Variants in EVA1A observed in about 807,000 individuals in gnomAD.
EVA1A encodes protein eva-1 homolog A.
A neutral mutation model predicts 9.8 loss-of-function variants in EVA1A; 7 were observed. That is an observed-to-expected ratio of 0.71 (90% CI 0.41 to 1.34). EVA1A has a LOEUF of 1.34. Among genes scored for constraint, EVA1A ranks in the 40% most tolerant of loss-of-function variants. The pLI, the probability that EVA1A is intolerant of heterozygous loss-of-function variation, is 0.01. For missense variants in EVA1A, 206 were observed against 205.9 expected (o/e 1.00, Z 0.00); for synonymous variants, 90 against 85.6 (o/e 1.05, Z -0.28).
intron 1 of EVA1A, among the ~76,000 whole-genome samples, chr2:75,540,081 C>A (rs1476557722): frequency 6.6e-6 from 1 of 152,222 alleles, no homozygotes; most frequent in East Asian, 1.9e-4. Context: ...GGTGCAGCAA[C>A]CTTCCTCTAG....
chr2:75,518,250 G>A, intron 2 of EVA1A, 42 bp from the exon 3 acceptor site: 1 of 1,496,528 alleles, frequency 6.7e-7, no homozygotes, highest in Non-Finnish European at 8.9e-7. Flanking sequence ...ACATTCTGCT[G>A]TCCTGAGGCC....
At chr2:75,553,512 A>G (rs764557328) in intron 1 of EVA1A, among the ~76,000 whole-genome samples, 1 of 152,212 alleles carries the variant, frequency 6.6e-6, no homozygotes, top group Admixed American at 6.5e-5. Flanking sequence ...CACAAAGAGT[A>G]TCTTGTTCAT....
chr2:75,520,049 A>G (rs192044125), intron 2 of EVA1A, among the ~76,000 whole-genome samples: 110 of 152,276 alleles, frequency 7.2e-4, no homozygotes, highest in African/African-American at 2.6e-3. Context: ...CCACTTTCAC[A>G]ATATCTGACC....
chr2:75,527,090 G>C (rs1250448135), intron 1 of EVA1A, among the ~76,000 whole-genome samples: 1 of 152,144 alleles, frequency 6.6e-6, no homozygotes, highest in Admixed American at 6.5e-5. Flanking sequence ...GACCAGGAAA[G>C]GAGTGTTCTA....
chr2:75,561,395 G>C (rs1204152309), upstream of EVA1A: 1 of 144,146 alleles, frequency 6.9e-6, no homozygotes, highest in African/African-American at 2.6e-5. Context: ...TTTTTTTTCT[G>C]AGTGGGAAGT....
At chr2:75,503,308 C>T (rs1158417530) in intron 3 of EVA1A, among the ~76,000 whole-genome samples, 2 of 152,236 alleles carry the variant, frequency 1.3e-5, no homozygotes, top group Admixed American at 6.5e-5. Context: ...GTGATCCACC[C>T]TGGTCTTGAC....
At position 75,493,006 on chromosome 2, in the gene EVA1A, T is replaced by C. The variant is rs1674083111; in HGVS notation, c.*230A>G. 1 of 583,696 alleles carries C rather than the reference T, an allele frequency of 1.7e-6. No homozygotes were observed. The highest frequency in any genetic ancestry group is 1.9e-5 in the African/African-American group (1 of 53,532). 36.2% of individuals were successfully genotyped at this position (583,696 alleles called of 1,614,324 possible). A position where few individuals can be genotyped will look rare whatever the true frequency, so the allele number is the denominator to read the frequency against. On this transcript the variant is annotated 3_prime_UTR_variant, in exon 4 of 4. Coordinates refer to ENST00000393913, the MANE Select transcript of EVA1A (RefSeq NM_001135032.2). ...CATCCACAGTGTTGGAGAGGATTTTTCAGCACCATTCCGAGACCTGGAAAG... is the reference window on the plus strand; with the variant it reads ...CATCCACAGTGTTGGAGAGGATTTTCCAGCACCATTCCGAGACCTGGAAAG...
chr2:75,529,234 C>T (rs1675560818), intron 1 of EVA1A, among the ~76,000 whole-genome samples: 1 of 152,104 alleles, frequency 6.6e-6, no homozygotes, highest in African/African-American at 2.4e-5. Flanking sequence ...CACTGGAGAT[C>T]CCAAATTTAT....
intron 1 of EVA1A, chr2:75,524,184 T>C (rs1489243155): frequency 2.6e-5 from 4 of 152,212 alleles, no homozygotes; most frequent in Non-Finnish European, 4.4e-5. Context: ...CTTTATAAAT[T>C]ACCCAGTCAC....
At chr2:75,565,939 T>C (rs1339680297), upstream of EVA1A, among the ~76,000 whole-genome samples, 3 of 152,208 alleles carry the variant, frequency 2.0e-5, no homozygotes, top group African/African-American at 7.2e-5. Flanking sequence ...TTGTTTAAAA[T>C]GTTAGTTTGG....
intron 3 of EVA1A, among the ~76,000 whole-genome samples, chr2:75,500,790 T>C (rs1674388670): frequency 6.8e-6 from 1 of 146,024 alleles, no homozygotes; most frequent in Non-Finnish European, 1.5e-5. Context: ...CTTCAGTCAT[T>C]ATGCCCAATG....
In EVA1A at chr2:75,496,982, A is replaced by G. The variant is rs556374085; in HGVS notation, c.86-3373T>C. Among the ~76,000 whole-genome samples the G allele has an allele frequency of 5.3e-5, 8 of 152,342 alleles. No homozygotes were observed. In the South Asian group the frequency reaches 1.7e-3, roughly 32 times the overall value. The stretch of plus-strand genomic sequence containing the variant: ...ATGATTCTAGGATAACTGGCTAGCT[A>G]TATGCAGAAGATTGAACCTGGACTC... On this transcript the variant is annotated intron_variant, in intron 3 of 3. Transcript: ENST00000393913.
In EVA1A at chr2:75,492,984, CCA is replaced by C; in HGVS notation, c.*250_*251del. 2.0e-5 allele frequency: 10 copies of C among 492,754 alleles called. No homozygotes were observed. In the South Asian group the frequency reaches 3.4e-4, roughly 17 times the overall value. The allele number at this position is 492,754 out of a possible 1,614,324, so 30.5% of individuals were successfully genotyped here. ...ACAGTCGCGTTTCTCCGATCTCCAT[CCA>C]CAGTGTTGGAGAGGATTTTTCAGCA... On this transcript the variant is annotated 3_prime_UTR_variant, in exon 4 of 4. Transcript: ENST00000393913.
intron 1 of EVA1A, chr2:75,524,103 T>G (rs1377923185): frequency 6.5e-6 from 1 of 152,904 alleles, no homozygotes; most frequent in African/African-American, 2.4e-5. Flanking sequence ...AGGACATGTT[T>G]GCTTCCCCTT....
At chr2:75,569,214 T>C (rs1329547409) in intron 1 of EVA1A, among the ~76,000 whole-genome samples, 3 of 152,158 alleles carry the variant, frequency 2.0e-5, no homozygotes, top group African/African-American at 4.8e-5. Flanking sequence ...TTATTTATAC[T>C]TCACTCTTTT....
At chr2:75,539,692 T>C (rs1339311376) in intron 1 of EVA1A, among the ~76,000 whole-genome samples, 1 of 152,130 alleles carries the variant, frequency 6.6e-6, no homozygotes, top group African/African-American at 2.4e-5. Flanking sequence ...CATATAACCT[T>C]GCATACTTAC....
intron 1 of EVA1A, among the ~76,000 whole-genome samples, chr2:75,530,118 C>T (rs1434496849): frequency 6.6e-6 from 1 of 152,080 alleles, no homozygotes. Flanking sequence ...CTACTATGAA[C>T]ACCTTTATGC....
At chr2:75,520,042 C>G (rs1011460746) in intron 2 of EVA1A, among the ~76,000 whole-genome samples, 3 of 152,180 alleles carry the variant, frequency 2.0e-5, no homozygotes, top group Non-Finnish European at 4.4e-5. Context: ...TACACATCCA[C>G]TTTCACAATA....
At chr2:75,534,816 C>A (rs1675816711) in intron 1 of EVA1A, among the ~76,000 whole-genome samples, 1 of 152,102 alleles carries the variant, frequency 6.6e-6, no homozygotes, top group South Asian at 2.1e-4. Context: ...GTCACAAATT[C>A]TTTGCCTCGG....
Sources: gnomAD v4.1 joint callset for allele counts (sites outside exome capture counted in the v4.1 genomes callset) on GRCh38, gnomAD v4.1.1 for gene constraint, MANE v1.5 for transcripts, NCBI Gene and HGNC (gene_info 2026-07-23, HGNC 2026-07-21) for gene names.